The following PABPC4L variants were observed in gnomAD, a reference collection of about 807,000 sequenced individuals.
PABPC4L encodes the protein polyadenylate-binding protein 4-like.
For synonymous variants in PABPC4L, 169 were observed against 164.1 expected (o/e 1.03, Z -0.23); for missense variants, 452 against 451.4 (o/e 1.00, Z -0.01).
chr4:133,965,790 C>T, the PABPC4L span, among the ~76,000 whole-genome samples: 2 of 152,180 alleles, frequency 1.3e-5, no homozygotes, highest in East Asian at 1.9e-4. Flanking sequence ...GAAACTGGAC[C>T]TTCATCTCTC....
At chr4:134,009,792 C>T in the PABPC4L span, among the ~76,000 whole-genome samples, 1 of 151,872 alleles carries the variant, frequency 6.6e-6, no homozygotes, top group Non-Finnish European at 1.5e-5. Flanking sequence ...TTCTTTTCCC[C>T]AATAGAGGGA....
At chr4:134,183,892 A>C in the PABPC4L span, among the ~76,000 whole-genome samples, 1 of 151,662 alleles carries the variant, frequency 6.6e-6, no homozygotes, top group African/African-American at 2.4e-5. Flanking sequence ...CCATGATTGC[A>C]ATAAAATCCC....
the PABPC4L span, among the ~76,000 whole-genome samples, chr4:133,952,834 T>C: frequency 8.5e-5 from 13 of 152,140 alleles, 1 homozygote; most frequent in South Asian, 1.2e-3. Context: ...GTCGGGGACA[T>C]ATAGGAGTGA....
the PABPC4L span, among the ~76,000 whole-genome samples, chr4:134,179,079 C>T: frequency 6.6e-6 from 1 of 151,940 alleles, no homozygotes; most frequent in East Asian, 1.9e-4. Context: ...AGAAGACAAT[C>T]CTCAAGTCAC....
At chr4:134,061,296 A>T in the PABPC4L span, among the ~76,000 whole-genome samples, 27 of 152,112 alleles carry the variant, frequency 1.8e-4, no homozygotes, top group African/African-American at 6.5e-4. Context: ...AAAATACATA[A>T]TCAAATAAAT....
chr4:134,116,926 A>G, the PABPC4L span, among the ~76,000 whole-genome samples: 1 of 151,662 alleles, frequency 6.6e-6, no homozygotes, highest in Non-Finnish European at 1.5e-5. Context: ...AGATCTTTGT[A>G]TGTTTTACAG....
At chr4:133,996,591 C>T in the PABPC4L span, among the ~76,000 whole-genome samples, 1 of 152,130 alleles carries the variant, frequency 6.6e-6, no homozygotes, top group Non-Finnish European at 1.5e-5. Context: ...GTCTCTTCAC[C>T]TTCATTTTTG....
downstream of PABPC4L, among the ~76,000 whole-genome samples, chr4:134,192,556 A>G (rs1729539020): frequency 1.3e-5 from 2 of 152,266 alleles, no homozygotes; most frequent in African/African-American, 2.4e-5. Context: ...AAAAAGAAAG[A>G]CATCTATGAT....
chr4:134,189,766 T>A, the PABPC4L span, among the ~76,000 whole-genome samples: 1 of 152,228 alleles, frequency 6.6e-6, no homozygotes, highest in East Asian at 1.9e-4. Flanking sequence ...TTGTTGGTTT[T>A]GTTTTCATTT....
At chr4:134,010,430 C>T in the PABPC4L span, among the ~76,000 whole-genome samples, 1 of 152,042 alleles carries the variant, frequency 6.6e-6, no homozygotes, top group Non-Finnish European at 1.5e-5. Context: ...TAAAAGCTTT[C>T]TAATATGGCT....
chr4:133,964,516 A>T, the PABPC4L span, among the ~76,000 whole-genome samples: 1 of 152,058 alleles, frequency 6.6e-6, no homozygotes. Flanking sequence ...ACATAACCAA[A>T]AAAGAAAATT....
At chr4:134,028,867 T>C in the PABPC4L span, among the ~76,000 whole-genome samples, 1 of 152,146 alleles carries the variant, frequency 6.6e-6, no homozygotes, top group Admixed American at 6.6e-5. Flanking sequence ...CAAGTTCTAG[T>C]TTAAAGAAAA....
the PABPC4L span, among the ~76,000 whole-genome samples, chr4:133,951,088 ATTTTTGTTTGTTTGTT>A: frequency 1.3e-5 from 2 of 151,944 alleles, no homozygotes; most frequent in African/African-American, 2.4e-5. Context: ...ATTGTTTTTT[ATTTTTGTTTGTTTGTT>A]TTTTTGTTTG....
chr4:133,992,732 A>T, the PABPC4L span, among the ~76,000 whole-genome samples: 1 of 152,220 alleles, frequency 6.6e-6, no homozygotes, highest in Non-Finnish European at 1.5e-5. Context: ...TACCGTATGC[A>T]AATTGCAATG....
At chr4:134,021,223 A>G in the PABPC4L span, among the ~76,000 whole-genome samples, 16 of 152,198 alleles carry the variant, frequency 1.1e-4, no homozygotes, top group Non-Finnish European at 2.2e-4. Context: ...CTTAAGAAAG[A>G]AGAATAGGAA....
At chr4:134,120,465 T>C in the PABPC4L span, among the ~76,000 whole-genome samples, 1 of 150,248 alleles carries the variant, frequency 6.7e-6, no homozygotes, top group Non-Finnish European at 1.5e-5. Context: ...TATTATAATG[T>C]TCTTCATTCC....
chr4:134,004,664 C>T, the PABPC4L span, among the ~76,000 whole-genome samples: 1 of 151,816 alleles, frequency 6.6e-6, no homozygotes, highest in Non-Finnish European at 1.5e-5. Context: ...TGCACTCTCA[C>T]GTTCATTTCA....
chr4:134,050,706 C>CAAAAAAAAAAAAAAAAAAAAA, the PABPC4L span, among the ~76,000 whole-genome samples: 2 of 83,018 alleles, frequency 2.4e-5, no homozygotes, highest in Admixed American at 1.5e-4. Flanking sequence ...CACCGTCTCC[C>CAAAAAAAAAAAAAAAAAAAAA]AAAAAAAAAA....
At chr4:134,108,471 T>C in the PABPC4L span, among the ~76,000 whole-genome samples, 1 of 151,846 alleles carries the variant, frequency 6.6e-6, no homozygotes. Context: ...CTTACACTTA[T>C]CTCCAGCATA....
Sources: allele counts gnomAD v4.1 joint callset (sites outside exome capture counted in the v4.1 genomes callset), GRCh38; gene constraint gnomAD v4.1.1; transcripts MANE v1.5; gene names NCBI Gene and HGNC (gene_info 2026-07-23, HGNC 2026-07-21).